HELLS: variants seen among roughly 807,000 people sequenced by gnomAD.
The protein encoded by HELLS is lymphoid-specific helicase.
Under a neutral mutation model 120.0 loss-of-function variants are expected in HELLS, and 32 were observed. The observed-to-expected ratio is 0.27, with a 90% confidence interval of 0.20 to 0.36. The LOEUF (loss-of-function observed/expected upper bound fraction) is 0.36. Among genes scored for constraint, HELLS ranks in the 10% least tolerant of loss-of-function variants. The pLI, the probability that HELLS is intolerant of heterozygous loss-of-function variation, is 1.00. For synonymous variants in HELLS, 341 were observed against 323.4 expected (o/e 1.05, Z -0.58); for missense variants, 650 against 993.4 (o/e 0.65, Z 4.65).
chr10:94,585,362 G>GTT (rs11288915), intron 12 of HELLS, among the ~76,000 whole-genome samples: 4 of 121,062 alleles, frequency 3.3e-5, no homozygotes, highest in African/African-American at 9.0e-5. Context: ...TTTTTGTTTT[G>GTT]TTTTTTTTTT....
chr10:94,549,443 A>G (rs776393387), intron 2 of HELLS, among the ~76,000 whole-genome samples: 4 of 152,198 alleles, frequency 2.6e-5, no homozygotes, highest in Non-Finnish European at 5.9e-5. Flanking sequence ...TTTCACATGT[A>G]TTTCCCTTTA....
At position 94,574,146 on chromosome 10, in the gene HELLS, G is replaced by C. The variant is rs753493390; in HGVS notation, c.664G>C (p.Val222Leu). 12 of 1,613,918 alleles carry C rather than the reference G, an allele frequency of 7.4e-6. No homozygotes were observed. Among genetic ancestry groups the C allele is most frequent in the Non-Finnish European group, 1.0e-5 (12 of 1,179,940 alleles). The change falls in exon 8 of 22, where the codon GTG becomes CTG. Residue 222 changes from valine to leucine, a missense_variant. Around this residue, in one of 9 missense-constraint regions of HELLS, gnomAD observed 26 missense variants for 87.3 expected, o/e 0.30. Coordinates refer to ENST00000348459, the MANE Select transcript of HELLS (RefSeq NM_018063.5). ...ACAACCAAAGCACTTCACTGGAGGA[G>C]TGATGCGATGGTACCAAGTAGAAGG... ...FQQPKHFTGG[V>L]MRWYQVEGME...
intron 12 of HELLS, among the ~76,000 whole-genome samples, chr10:94,586,941 C>T (rs1482088211): frequency 7.2e-5 from 11 of 151,846 alleles, no homozygotes; most frequent in Non-Finnish European, 1.5e-4. Flanking sequence ...GTGATCTGCT[C>T]GCCTCGGCTT....
At chr10:94,574,246 A>G in intron 8 of HELLS, 59 bp downstream of exon 8, 1 of 1,101,844 alleles carries the variant, frequency 9.1e-7, no homozygotes, top group Non-Finnish European at 1.4e-6. Context: ...TAGCCTAATG[A>G]TTTGAGGTAC....
Position 94,585,434 on chromosome 10 carries a change from TC to T in HELLS, c.1326+2376del, listed in dbSNP as rs1845091908. Among the ~76,000 whole-genome samples, 3 of 144,736 alleles carry T rather than the reference TC, an allele frequency of 2.1e-5. No homozygotes were observed. In the East Asian group the frequency reaches 6.2e-4, roughly 30 times the overall value. The allele number at this position is 144,736 out of a possible 152,430, so 95.0% of individuals were successfully genotyped here. ...TTTTTTTTTTGAGACAGAGTCTCACTCTGTTGCCCAGGCCTGGAGTGCAGTG... is the reference window on the plus strand; with the variant it reads ...TTTTTTTTTTGAGACAGAGTCTCACTTGTTGCCCAGGCCTGGAGTGCAGTG... On this transcript the variant is annotated intron_variant, in intron 12 of 21. Coordinates refer to ENST00000348459, the MANE Select transcript of HELLS (RefSeq NM_018063.5).
downstream of HELLS, among the ~76,000 whole-genome samples, chr10:94,603,240 G>C (rs1001075521): frequency 6.6e-6 from 1 of 152,046 alleles, no homozygotes; most frequent in Non-Finnish European, 1.5e-5. Context: ...TTTTTAGTTT[G>C]TTCTGTTTTT....
intron 6 of HELLS, among the ~76,000 whole-genome samples, chr10:94,564,118 T>C (rs914752158): frequency 6.6e-6 from 1 of 152,056 alleles, no homozygotes; most frequent in Non-Finnish European, 1.5e-5. Flanking sequence ...CCTTTGCTGG[T>C]TTTCTTATTT....
chr10:94,601,664 C>G lies in HELLS; in HGVS notation c.*42C>G. The G allele has an allele frequency of 9.8e-7, 1 of 1,022,010 alleles. No homozygotes were observed. The allele number at this position is 1,022,010 out of a possible 1,614,324, so 63.3% of individuals were successfully genotyped here. On this transcript the variant is annotated 3_prime_UTR_variant, in exon 22 of 22. Transcript: ENST00000348459. The stretch of plus-strand genomic sequence containing the variant: ...AGCTTTTAAAAGTTCTTATTTACAT[C>G]TAGTGATTTCCCTGTATTGGGTTTG...
At chr10:94,590,948 C>T (rs564149057) in intron 15 of HELLS, among the ~76,000 whole-genome samples, 172 bp downstream of exon 15, 1 of 152,160 alleles carries the variant, frequency 6.6e-6, no homozygotes, top group Non-Finnish European at 1.5e-5. Context: ...TTTCAGAGAA[C>T]CTTATCAGGG....
intron 13 of HELLS, 38 bp downstream of exon 13, chr10:94,588,428 A>T: frequency 6.9e-7 from 1 of 1,444,628 alleles, no homozygotes; most frequent in Non-Finnish European, 9.2e-7. Context: ...ATGAAACTTG[A>T]CATATAAAAT....
Position 94,596,897 on chromosome 10 carries a change from TA to T in HELLS, c.2288del (p.Lys763ArgfsTer4). On this transcript the variant is annotated frameshift_variant, in exon 20 of 22. Coordinates refer to ENST00000348459, the MANE Select transcript of HELLS (RefSeq NM_018063.5). LOFTEE classifies it high-confidence loss of function. Reference sequence around the variant, plus strand: ...GTGGTCAGTCTGGATTAAATCTGTCTAAGAATTTCTTAGATCCTAAGGAATT... The same window carrying T: ...GTGGTCAGTCTGGATTAAATCTGTCTAGAATTTCTTAGATCCTAAGGAATT... ...KGGQSGLNLS[K>X]NFLDPKELME... 6.6e-7 allele frequency: 1 copy of T among 1,514,094 alleles called. No individual in the cohort carries two copies. Among genetic ancestry groups the T allele is most frequent in the Non-Finnish European group, 9.2e-7 (1 of 1,090,480 alleles). 93.8% of individuals were successfully genotyped at this position (1,514,094 alleles called of 1,614,324 possible).
At chr10:94,548,759 C>T (rs758210281) in intron 2 of HELLS, among the ~76,000 whole-genome samples, 1 of 151,964 alleles carries the variant, frequency 6.6e-6, no homozygotes, top group Non-Finnish European at 1.5e-5. Context: ...TTTGGGAGGC[C>T]GAGGCGGGTG....
At chr10:94,603,320 G>T (rs1313424636), downstream of HELLS, among the ~76,000 whole-genome samples, 1 of 152,118 alleles carries the variant, frequency 6.6e-6, no homozygotes, top group Non-Finnish European at 1.5e-5. Flanking sequence ...TGACGTCAGT[G>T]ACCTCATTTT....
chr10:94,555,581 A>G (rs1463150075), intron 3 of HELLS, among the ~76,000 whole-genome samples: 1 of 152,160 alleles, frequency 6.6e-6, no homozygotes, highest in Admixed American at 6.5e-5. Flanking sequence ...ACCTTGTTCT[A>G]TACATCTCTT....
At chr10:94,606,253 G>A (rs1291039770), downstream of HELLS, among the ~76,000 whole-genome samples, 1 of 151,850 alleles carries the variant, frequency 6.6e-6, no homozygotes, top group Non-Finnish European at 1.5e-5. Flanking sequence ...AATCAGCTCA[G>A]TCTGAAAATC....
At chr10:94,596,683 T>C (rs1189838801) in intron 19 of HELLS, among the ~76,000 whole-genome samples, 177 bp from the exon 20 acceptor site, 2 of 152,220 alleles carry the variant, frequency 1.3e-5, no homozygotes, top group Admixed American at 6.5e-5. Context: ...TTTTCCAAAG[T>C]GGACATATCA....
At position 94,592,245 on chromosome 10, in the gene HELLS, T is replaced by C; in HGVS notation, c.1784T>C (p.Val595Ala). 1.2e-6 allele frequency: 2 copies of C among 1,611,338 alleles called. No individual in the cohort carries two copies. The highest frequency in any genetic ancestry group is 4.5e-5 in the East Asian group (2 of 44,758). The change falls in exon 16 of 22, where the codon GTA becomes GCA. Residue 595 changes from valine (V) to alanine (A), a missense_variant. By Grantham distance (64) the Val-to-Ala change is moderately conservative (BLOSUM62 0). Around this residue, in one of 9 missense-constraint regions of HELLS, gnomAD observed 191 missense variants for 259.7 expected, o/e 0.74. Transcript: ENST00000348459. Reference sequence around the variant, plus strand: ...CTCCTTAAGATCGATGAAGAATTGGTAACAAATTCTGGGAAGTTCTTGATT... The same window carrying C: ...CTCCTTAAGATCGATGAAGAATTGGCAACAAATTCTGGGAAGTTCTTGATT... The part of the protein sequence containing the change: ...TQEFKIDEEL[V>A]TNSGKFLILD...
chr10:94,609,314 C>T (rs567605024), intron 9 of HELLS, among the ~76,000 whole-genome samples: 26 of 152,214 alleles, frequency 1.7e-4, no homozygotes, highest in Non-Finnish European at 3.1e-4. Flanking sequence ...TGAGCCACTG[C>T]GCCCAGTATA....
intron 12 of HELLS, among the ~76,000 whole-genome samples, chr10:94,584,633 T>G (rs1348563335): frequency 6.6e-6 from 1 of 152,120 alleles, no homozygotes; most frequent in Non-Finnish European, 1.5e-5. Flanking sequence ...AATTTGTCAC[T>G]TACACGTTAC....
Sources: allele counts gnomAD v4.1 joint callset (sites outside exome capture counted in the v4.1 genomes callset), GRCh38; gene constraint gnomAD v4.1.1; regional missense constraint gnomAD v4.1.1; transcripts MANE v1.5; gene names NCBI Gene and HGNC (gene_info 2026-07-23, HGNC 2026-07-21).